PPP1R3F: variants seen among roughly 807,000 people sequenced by gnomAD.
PPP1R3F encodes protein phosphatase 1 regulatory subunit 3F.
A neutral mutation model predicts 24.2 loss-of-function variants in PPP1R3F; 29 were observed. The observed-to-expected ratio is 1.20, with a 90% CI of 0.89 to 1.63. The LOEUF (loss-of-function observed/expected upper bound fraction) is 1.63, where lower values mean the gene tolerates loss of function less well. PPP1R3F is among the 40% of genes most tolerant of loss of function. The pLI, the probability that PPP1R3F is intolerant of heterozygous loss-of-function variation, is 0.00. For synonymous variants in PPP1R3F, 363 were observed against 340.1 expected (o/e 1.07, Z -0.74); for missense variants, 823 against 729.3 (o/e 1.13, Z -1.48).
intron 3 of PPP1R3F, among the ~76,000 whole-genome samples, chrX:49,284,621 C>T (rs1225894656): frequency 6.5e-5 from 7 of 106,901 alleles, no homozygotes; most frequent in Non-Finnish European, 1.3e-4. Flanking sequence ...AAGCAATTCT[C>T]CTGTCTCAGC....
At chrX:49,275,087 C>T (rs1358301086) in intron 1 of PPP1R3F, 1 of 111,076 alleles carries the variant, frequency 9.0e-6, no homozygotes, top group African/African-American at 3.3e-5. Flanking sequence ...TTCTCTCCCT[C>T]CTGCTTCTGG....
chrX:49,296,439 T>C (rs1370263603), intron 3 of PPP1R3F, among the ~76,000 whole-genome samples: 2 of 111,668 alleles, frequency 1.8e-5, no homozygotes, highest in African/African-American at 6.5e-5. Context: ...TAGCAGTCTA[T>C]CTATTTTGTT....
chrX:49,286,085 T>G lies in PPP1R3F; in HGVS notation c.1395T>G (p.Asn465Lys), dbSNP rs1157807678. 1.7e-6 allele frequency: 2 copies of G among 1,172,262 alleles called. No homozygotes were observed. Among genetic ancestry groups the G allele is most frequent in the Middle Eastern group, 2.4e-4 (1 of 4,230 alleles). ...AEATWGVSSE[N>K]GGGLEAVSGS... is the part of the protein sequence containing the mutation. ...CCACATGGGGAGTATCGAGTGAGAA[T>G]GGAGGGGGGCTGGAGGCTGTGAGTG... The change falls in exon 4 of 4, where the codon AAT (asparagine) becomes AAG (lysine). Residue 465 changes from asparagine to lysine, a missense_variant. Transcript: ENST00000055335.
At position 49,270,435 on chromosome X, in the gene PPP1R3F, C is replaced by T. The variant is rs1557118837; in HGVS notation, c.566C>T (p.Ala189Val). The T allele has an allele frequency of 4.2e-6, 5 of 1,195,192 alleles. No homozygotes were observed. The highest frequency in any genetic ancestry group is 1.8e-5 in the South Asian group (1 of 55,910). Reference protein sequence around the residue: ...VHVRASHDGWASFCDHPARYV... With the variant: ...VHVRASHDGWVSFCDHPARYV... ...GTGCGGGCCTCACACGACGGCTGGG[C>T]TTCCTTTTGCGACCACCCAGCGCGC... The change falls in exon 1 of 4, where the codon GCT becomes GTT. Residue 189 changes from alanine (A) to valine (V), a missense_variant. Ala to Val is a moderately conservative substitution (Grantham distance 64). Transcript: ENST00000055335.
In PPP1R3F at chrX:49,269,816, C is replaced by A; in HGVS notation, c.-54C>A. 1 of 788,486 alleles carries A rather than the reference C, an allele frequency of 1.3e-6. No homozygotes were observed. Among genetic ancestry groups the A allele is most frequent in the Non-Finnish European group, 1.6e-6 (1 of 637,382 alleles). The allele number at this position is 788,486 out of a possible 1,213,427, so 65.0% of individuals were successfully genotyped here. A position where few individuals can be genotyped will look rare whatever the true frequency, so the allele number is the denominator to read the frequency against. ...CCATTGGCTGCCCGCCCCTTCAGGC[C>A]CTGCCCCCGCCGGTCCCGCCGCCGG... On this transcript the variant is annotated 5_prime_UTR_variant, in exon 1 of 4. Coordinates refer to ENST00000055335, the MANE Select transcript of PPP1R3F (RefSeq NM_033215.5).
Position 49,269,882 on chromosome X carries a change from G to A in PPP1R3F, c.13G>A (p.Ala5Thr). The A allele has an allele frequency of 1.1e-6, 1 of 900,684 alleles. No individual in the cohort carries two copies. Among genetic ancestry groups the A allele is most frequent in the Non-Finnish European group, 1.4e-6 (1 of 732,136 alleles). The allele number at this position is 900,684 out of a possible 1,213,427, so 74.2% of individuals were successfully genotyped here. The change falls in exon 1 of 4, where the codon GCC (alanine) becomes ACC (threonine). Residue 5 changes from alanine to threonine, a missense_variant. By Grantham distance (58) the Ala-to-Thr change is moderately conservative. Coordinates refer to ENST00000055335, the MANE Select transcript of PPP1R3F (RefSeq NM_033215.5). ...CGCCGCCGCCGATATGGCGCGTACG[G>A]CCCCTGTGGAGCCCCCGCTGCGGCA... MARTAPVEPPLRHSA... is the reference protein window; with the variant it reads MARTTPVEPPLRHSA...
chrX:49,283,257 T>C lies in PPP1R3F; in HGVS notation c.1143+1194T>C, dbSNP rs2066260879. 3.6e-5 allele frequency among the ~76,000 whole-genome samples: 4 copies of C among 109,610 alleles called. No homozygotes were observed. In the Admixed American group the frequency reaches 3.9e-4, roughly 11 times the overall value. On this transcript the variant is annotated intron_variant, in intron 3 of 3. Transcript: ENST00000055335. ...TTGTATCTCAGAAAATTAAGAACTC[T>C]TTTTTGTTTTTTTTTTTGAGACAGA...
At chrX:49,279,354 C>T (rs1370216962) in intron 1 of PPP1R3F, among the ~76,000 whole-genome samples, 1 of 112,103 alleles carries the variant, frequency 8.9e-6, no homozygotes, top group Non-Finnish European at 1.9e-5. Flanking sequence ...TGGTGATACT[C>T]GTTTCTGTGA....
At chrX:49,293,369 A>G (rs186515299) in intron 3 of PPP1R3F, among the ~76,000 whole-genome samples, 97 of 112,744 alleles carry the variant, frequency 8.6e-4, no homozygotes, top group African/African-American at 3.0e-3. Flanking sequence ...TTGCCACTAT[A>G]AACTATCTGT....
Position 49,269,879 on chromosome X carries a change from A to C in PPP1R3F, c.10A>C (p.Thr4Pro). 1.1e-6 allele frequency: 1 copy of C among 896,474 alleles called. No individual in the cohort carries two copies. The highest frequency in any genetic ancestry group is 1.4e-6 in the Non-Finnish European group (1 of 729,470). 73.9% of individuals were successfully genotyped at this position (896,474 alleles called of 1,213,427 possible). The change falls in exon 1 of 4, where the codon ACG becomes CCG. Residue 4 changes from threonine (T) to proline (P), a missense_variant. Thr to Pro is a conservative substitution (Grantham distance 38). Coordinates refer to ENST00000055335, the MANE Select transcript of PPP1R3F (RefSeq NM_033215.5). MAR[T>P]APVEPPLRHS... ...CGCCGCCGCCGCCGATATGGCGCGT[A>C]CGGCCCCTGTGGAGCCCCCGCTGCG...
Position 49,287,194 on chromosome X carries a change from CCTT to C in PPP1R3F, c.*107_*109del. The C allele has an allele frequency of 1.2e-6, 1 of 814,004 alleles. No individual in the cohort carries two copies. The highest frequency in any genetic ancestry group is 1.7e-6 in the Non-Finnish European group (1 of 577,471). 67.1% of individuals were successfully genotyped at this position (814,004 alleles called of 1,213,427 possible). A position where few individuals can be genotyped will look rare whatever the true frequency, so the allele number is the denominator to read the frequency against. On this transcript the variant is annotated 3_prime_UTR_variant, in exon 4 of 4. Transcript: ENST00000055335. ...TGAGAATGCTCAACTGAAAGAGAGG[CCTT>C]CTCATCCCCAAGCTCTCCAGTCAAC...
At chrX:49,275,881 G>T (rs150576762) in intron 1 of PPP1R3F, 57 of 112,357 alleles carry the variant, frequency 5.1e-4, no homozygotes, top group African/African-American at 1.8e-3. Context: ...TGCACAGGAA[G>T]GCCCACTGTC....
chrX:49,284,989 G>A (rs1017526376), intron 3 of PPP1R3F, among the ~76,000 whole-genome samples: 6 of 110,722 alleles, frequency 5.4e-5, no homozygotes, highest in African/African-American at 1.6e-4. Context: ...ATACATCATG[G>A]GTTCATATGG....
chrX:49,270,544 T>A lies in PPP1R3F; in HGVS notation c.675T>A (p.Gly225=). ...DPILDPGLGL[G]PGQASASSPD... is the part of the protein sequence containing the mutation. ...TCCTGGATCCGGGGCTCGGCCTGGG[T>A]CCCGGCCAGGCATCCGCCTCCTCGC... Residue 225 remains glycine (G), a synonymous_variant, in exon 1 of 4, where the codon GGT becomes GGA. Coordinates refer to ENST00000055335, the MANE Select transcript of PPP1R3F (RefSeq NM_033215.5). The A allele has an allele frequency of 8.3e-7, 1 of 1,204,062 alleles. No individual in the cohort carries two copies. Among genetic ancestry groups the A allele is most frequent in the Non-Finnish European group, 1.1e-6 (1 of 894,223 alleles).
Position 49,286,297 on chromosome X carries a change from T to C in PPP1R3F, c.1607T>C (p.Leu536Ser), listed in dbSNP as rs1557121509. 8.3e-7 allele frequency: 1 copy of C among 1,210,762 alleles called. No homozygotes were observed. The highest frequency in any genetic ancestry group is 1.8e-5 in the South Asian group (1 of 56,756). ...ATACTGACGGACCGCGACCTGATCT[T>C]GAAGTGGCCTGGCCCTGAGCGGGCC... The part of the protein sequence containing the change: ...LGILTDRDLI[L>S]KWPGPERALN... The change falls in exon 4 of 4, where the codon TTG becomes TCG. Residue 536 changes from leucine (L) to serine (S), a missense_variant. Physicochemically the swap from Leu to Ser is moderately radical, Grantham distance 145. Coordinates refer to ENST00000055335, the MANE Select transcript of PPP1R3F (RefSeq NM_033215.5).
chrX:49,270,166 C>T lies in PPP1R3F; in HGVS notation c.297C>T (p.Pro99=). ...DEGEEEEEAC[P]EPSPLCPVPA... ...GGGAGGAGGAAGAGGAGGCTTGCCC[C>T]GAGCCCTCACCGCTGTGCCCCGTCC... The change falls in exon 1 of 4, where the codon CCC becomes CCT. Residue 99 remains proline, a synonymous_variant. Coordinates refer to ENST00000055335, the MANE Select transcript of PPP1R3F (RefSeq NM_033215.5). 3.7e-6 allele frequency: 4 copies of T among 1,095,663 alleles called. No individual in the cohort carries two copies. Among genetic ancestry groups the T allele is most frequent in the Non-Finnish European group, 4.7e-6 (4 of 845,352 alleles). The allele number at this position is 1,095,663 out of a possible 1,213,427, so 90.3% of individuals were successfully genotyped here. A position where few individuals can be genotyped will look rare whatever the true frequency, so the allele number is the denominator to read the frequency against.
Position 49,270,606 on chromosome X carries a change from A to G in PPP1R3F, c.737A>G (p.Gln246Arg). The G allele has an allele frequency of 1.7e-6, 2 of 1,205,694 alleles. No homozygotes were observed. The highest frequency in any genetic ancestry group is 2.2e-6 in the Non-Finnish European group (2 of 894,524). Residue 246 changes from glutamine to arginine, a missense_variant, in exon 1 of 4, where the codon CAG becomes CGG. Coordinates refer to ENST00000055335, the MANE Select transcript of PPP1R3F (RefSeq NM_033215.5). ...DGGRTDRFAF[Q>R]LPFAEGAGDG... ...GGCCGCACCGACCGCTTTGCCTTCC[A>G]GCTGCCCTTTGCTGAGGGCGCGGGC...
intron 3 of PPP1R3F, among the ~76,000 whole-genome samples, chrX:49,294,342 C>G (rs782511329): frequency 7.4e-4 from 80 of 107,922 alleles, no homozygotes; most frequent in Non-Finnish European, 1.3e-3. Context: ...ACCTCAGCCT[C>G]CCGAGTAGAT....
At position 49,285,860 on chromosome X, in the gene PPP1R3F, C is replaced by T. The variant is rs2066278135; in HGVS notation, c.1170C>T (p.Asn390=). 2 of 1,154,865 alleles carry T rather than the reference C, an allele frequency of 1.7e-6. No homozygotes were observed. Among genetic ancestry groups the T allele is most frequent in the East Asian group, 6.0e-5 (2 of 33,090 alleles). Residue 390 remains asparagine, a synonymous_variant, in exon 4 of 4, where the codon AAC becomes AAT. Coordinates refer to ENST00000055335, the MANE Select transcript of PPP1R3F (RefSeq NM_033215.5). ...TTTCTGACGTTCCGATGACTGGCAA[C>T]CCCGCAGAAGAAGGTGATGTCCCCA... The part of the protein sequence containing the change: ...LQVSDVPMTG[N]PAEEGDVPRS...
Sources: allele counts gnomAD v4.1 joint callset (sites outside exome capture counted in the v4.1 genomes callset), GRCh38; gene constraint gnomAD v4.1.1; transcripts MANE v1.5; gene names NCBI Gene and HGNC (gene_info 2026-07-23, HGNC 2026-07-21).